Variants in RPS6KA2 observed in about 807,000 individuals in gnomAD.
RPS6KA2 encodes ribosomal protein S6 kinase alpha-2.
In RPS6KA2, 42 loss-of-function variants were observed where a neutral mutation model predicts 91.8. The ratio of observed to expected loss-of-function variants is 0.46; its 90% CI spans 0.36 to 0.59. RPS6KA2 has a LOEUF of 0.59. RPS6KA2 is among the 20% of genes least tolerant of loss of function. RPS6KA2 has a pLI of 0.00. For synonymous variants in RPS6KA2, 414 were observed against 393.6 expected (o/e 1.05, Z -0.61); for missense variants, 798 against 978.5 (o/e 0.82, Z 2.46).
At chr6:166,697,684 G>A (rs1789396135) in intron 2 of RPS6KA2, among the ~76,000 whole-genome samples, 1 of 152,176 alleles carries the variant, frequency 6.6e-6, no homozygotes, top group Admixed American at 6.5e-5. Context: ...GCTGTGGGCC[G>A]GATCCCAGAA....
intron 2 of RPS6KA2, among the ~76,000 whole-genome samples, chr6:166,636,271 C>T (rs539000127): frequency 3.9e-5 from 6 of 152,282 alleles, no homozygotes; most frequent in Admixed American, 3.3e-4. Context: ...TGGCTTCCAG[C>T]TTGAATCAGT....
chr6:166,450,432 G>GGGACCACCATGA (rs1779859995), intron 13 of RPS6KA2, among the ~76,000 whole-genome samples: 2 of 149,242 alleles, frequency 1.3e-5, no homozygotes, highest in Admixed American at 1.3e-4. Context: ...GACCACCATG[G>GGGACCACCATGA]GGACCACCAC....
intron 2 of RPS6KA2, among the ~76,000 whole-genome samples, chr6:166,707,750 CTCT>C (rs1226537177): frequency 1.3e-5 from 2 of 152,038 alleles, no homozygotes; most frequent in Non-Finnish European, 2.9e-5. Flanking sequence ...CTCTCTCTCT[CTCT>C]TTTTTTTCAG....
At chr6:166,812,911 A>G (rs1408292285) in intron 2 of RPS6KA2, among the ~76,000 whole-genome samples, 14 of 152,172 alleles carry the variant, frequency 9.2e-5, no homozygotes, top group Admixed American at 9.2e-4. Flanking sequence ...TTCTATAGAA[A>G]TCGGGAAACT....
chr6:166,418,164 G>T lies in RPS6KA2; in HGVS notation c.1938+61C>A. 2 of 1,149,818 alleles carry T rather than the reference G, an allele frequency of 1.7e-6. No homozygotes were observed. Among genetic ancestry groups the T allele is most frequent in the African/African-American group, 1.6e-5 (1 of 64,344 alleles). The allele number at this position is 1,149,818 out of a possible 1,614,324, so 71.2% of individuals were successfully genotyped here. On this transcript the variant is annotated intron_variant, in intron 19 of 20. Coordinates refer to ENST00000265678, the MANE Select transcript of RPS6KA2 (RefSeq NM_021135.6). This position sits in a 1 kb window ranked among gnomAD's most constrained non-coding sequence, Gnocchi z 4.9. ...TAAAACCTATCCCCTGGCTTCCTCAGAAATCATATGGCTATTTCAGAATCT... is the reference window on the plus strand; with the variant it reads ...TAAAACCTATCCCCTGGCTTCCTCATAAATCATATGGCTATTTCAGAATCT...
At chr6:166,480,229 G>C (rs1244348925) in intron 10 of RPS6KA2, among the ~76,000 whole-genome samples, 1 of 151,990 alleles carries the variant, frequency 6.6e-6, no homozygotes, top group Non-Finnish European at 1.5e-5. Flanking sequence ...CCAAATGTGT[G>C]CCTCTGTGCT....
intron 1 of RPS6KA2, among the ~76,000 whole-genome samples, chr6:166,600,874 T>C (rs1418932055): frequency 6.6e-6 from 1 of 152,244 alleles, no homozygotes; most frequent in Non-Finnish European, 1.5e-5. Flanking sequence ...AATTTTAAAC[T>C]CAGTCATTCT....
intron 1 of RPS6KA2, among the ~76,000 whole-genome samples, chr6:166,580,029 G>C (rs1784957014): frequency 6.6e-6 from 1 of 152,252 alleles, no homozygotes; most frequent in Admixed American, 6.5e-5. Context: ...CATGCTTAAA[G>C]GGCCGTCTTT....
At chr6:166,782,744 T>C (rs921614194) in intron 2 of RPS6KA2, among the ~76,000 whole-genome samples, 1 of 152,028 alleles carries the variant, frequency 6.6e-6, no homozygotes, top group African/African-American at 2.4e-5. Flanking sequence ...GTCAGAACTG[T>C]CCTCCCAGCC....
intron 14 of RPS6KA2, among the ~76,000 whole-genome samples, chr6:166,438,575 C>T (rs1387520398): frequency 1.3e-5 from 2 of 152,230 alleles, no homozygotes; most frequent in South Asian, 4.1e-4. Context: ...TGCATCTTAA[C>T]TCATGTGCTT....
chr6:166,516,272 T>C lies in RPS6KA2; in HGVS notation c.299-5915A>G, dbSNP rs1326767110. Among the ~76,000 whole-genome samples the C allele has an allele frequency of 2.6e-5, 4 of 152,276 alleles. No homozygotes were observed. The South Asian group carries it at 6.2e-4, about 24-fold the overall frequency. ...GCACCAAAGAGTTTCAGGGAGTTGA[T>C]GAAAGCAAACCTGGAATCTATTCAC... On this transcript the variant is annotated intron_variant, in intron 3 of 20. Coordinates refer to ENST00000265678, the MANE Select transcript of RPS6KA2 (RefSeq NM_021135.6).
chr6:166,657,740 G>A (rs1264482888), intron 2 of RPS6KA2, among the ~76,000 whole-genome samples: 1 of 152,202 alleles, frequency 6.6e-6, no homozygotes, highest in Non-Finnish European at 1.5e-5. Flanking sequence ...TTGCCTCAGA[G>A]GTGCAGGCAG....
chr6:166,795,266 C>G (rs922746109), intron 2 of RPS6KA2, among the ~76,000 whole-genome samples: 26 of 152,140 alleles, frequency 1.7e-4, no homozygotes, highest in Non-Finnish European at 3.2e-4. Context: ...AAAGAATGTA[C>G]AAATCTCAAC....
chr6:166,780,657 G>A (rs574485308), intron 2 of RPS6KA2, among the ~76,000 whole-genome samples: 37 of 152,280 alleles, frequency 2.4e-4, no homozygotes, highest in African/African-American at 8.9e-4. Flanking sequence ...AAGGGGAGGG[G>A]TCAGACTTGA....
chr6:166,842,297 A>C (rs1425980248), intron 2 of RPS6KA2, among the ~76,000 whole-genome samples: 1 of 152,246 alleles, frequency 6.6e-6, no homozygotes, highest in Non-Finnish European at 1.5e-5. Context: ...AGGTGTAATA[A>C]GATGAAAGTC....
At position 166,459,222 on chromosome 6, in the gene RPS6KA2, C is replaced by T. The variant is rs1780195342; in HGVS notation, c.1075+227G>A. On this transcript the variant is annotated intron_variant, in intron 12 of 20. Transcript: ENST00000265678. The surrounding 1 kb of genome is among the most constrained non-coding windows in gnomAD (Gnocchi z 4.9). Reference sequence around the variant, plus strand: ...CGGTGTCTTGGAATAAGGATACCTTCATCATTTCCAAGGTGGAGGTTATAT... The same window carrying T: ...CGGTGTCTTGGAATAAGGATACCTTTATCATTTCCAAGGTGGAGGTTATAT... Among the ~76,000 whole-genome samples the T allele has an allele frequency of 6.6e-6, 1 of 152,182 alleles. No individual in the cohort carries two copies. Among genetic ancestry groups the T allele is most frequent in the African/African-American group, 2.4e-5 (1 of 41,438 alleles).
chr6:166,636,625 G>A (rs966957974), intron 2 of RPS6KA2, among the ~76,000 whole-genome samples: 7 of 151,886 alleles, frequency 4.6e-5, no homozygotes, highest in African/African-American at 1.7e-4. Flanking sequence ...CACAATATAA[G>A]GCCCTAAAGG....
At chr6:166,850,266 A>G (rs1211559330) in intron 2 of RPS6KA2, among the ~76,000 whole-genome samples, 3 of 152,250 alleles carry the variant, frequency 2.0e-5, no homozygotes, top group Admixed American at 6.5e-5. Context: ...ACAATTTTCT[A>G]ACTGACACCT....
chr6:166,495,365 G>A lies in RPS6KA2; in HGVS notation c.747+3143C>T, dbSNP rs772437611. 6.6e-5 allele frequency among the ~76,000 whole-genome samples: 10 copies of A among 152,298 alleles called. No individual in the cohort carries two copies. The highest frequency in any genetic ancestry group is 1.0e-4 in the Non-Finnish European group (7 of 68,026). On this transcript the variant is annotated intron_variant, in intron 8 of 20. Transcript: ENST00000265678. This position sits in a 1 kb window ranked among gnomAD's most constrained non-coding sequence, Gnocchi z 4.4. ...TGTCACGAGACATTGAATGCGGGAC[G>A]ATCCCAGCAAACAAGTGAACAATTC...
Sources: gnomAD v4.1 joint callset for allele counts (sites outside exome capture counted in the v4.1 genomes callset) on GRCh38, gnomAD v4.1.1 for gene constraint, Gnocchi (gnomAD v3.1) non-coding constraint, MANE v1.5 for transcripts, NCBI Gene and HGNC (gene_info 2026-07-23, HGNC 2026-07-21) for gene names.